Variants in CSMD1 observed in about 807,000 individuals in gnomAD.
CSMD1 encodes the protein CUB and sushi domain-containing protein 1.
A neutral mutation model predicts 417.5 loss-of-function variants in CSMD1; 213 were observed. That is an observed-to-expected ratio of 0.51 (90% CI 0.46 to 0.57). The LOEUF is 0.57. Among genes scored for constraint, CSMD1 ranks in the 20% least tolerant of loss-of-function variants. The pLI is 0.00. For missense variants in CSMD1, 6,923 were observed against 4,529.7 expected (o/e 1.53, Z -15.17); for synonymous variants, 2,862 against 1,736.8 (o/e 1.65, Z -16.11).
chr8:4,806,167 T>C (rs1798574697), intron 1 of CSMD1, among the ~76,000 whole-genome samples: 1 of 152,154 alleles, frequency 6.6e-6, no homozygotes, highest in Non-Finnish European at 1.5e-5. Context: ...CTCAATTGCA[T>C]GTGAAGCACC....
chr8:3,786,471 A>C (rs1235518891), intron 5 of CSMD1, among the ~76,000 whole-genome samples: 1 of 152,152 alleles, frequency 6.6e-6, no homozygotes, highest in Non-Finnish European at 1.5e-5. Flanking sequence ...GGGAAGCAGG[A>C]GGAATGGTGA....
intron 3 of CSMD1, among the ~76,000 whole-genome samples, chr8:4,086,640 C>A (rs540995752): frequency 6.6e-6 from 1 of 152,292 alleles, no homozygotes; most frequent in East Asian, 1.9e-4. Context: ...TCTTAATGCA[C>A]CAAGCGATTT....
At chr8:3,404,744 C>A (rs1249740305) in intron 15 of CSMD1, among the ~76,000 whole-genome samples, 1 of 151,704 alleles carries the variant, frequency 6.6e-6, no homozygotes, top group Non-Finnish European at 1.5e-5. Flanking sequence ...AAGTTATTAT[C>A]ATGAGATATG....
chr8:4,843,603 G>T (rs975520691), intron 1 of CSMD1, among the ~76,000 whole-genome samples: 8 of 152,160 alleles, frequency 5.3e-5, no homozygotes, highest in African/African-American at 1.7e-4. Context: ...CATTGTCCAA[G>T]CCAGGAGTTC....
chr8:3,581,596 T>C (rs1038885252), intron 9 of CSMD1, among the ~76,000 whole-genome samples: 4 of 152,108 alleles, frequency 2.6e-5, no homozygotes, highest in African/African-American at 9.7e-5. Flanking sequence ...TTCATGAAAA[T>C]AGGAACCTTG....
intron 5 of CSMD1, among the ~76,000 whole-genome samples, chr8:3,997,074 T>C (rs772713332): frequency 2.6e-5 from 4 of 152,232 alleles, no homozygotes; most frequent in Non-Finnish European, 5.9e-5. Context: ...TACCCATTCT[T>C]GTTTAGTCAT....
intron 3 of CSMD1, among the ~76,000 whole-genome samples, chr8:4,338,622 T>A (rs994979584): frequency 6.6e-6 from 1 of 152,100 alleles, no homozygotes; most frequent in Non-Finnish European, 1.5e-5. Flanking sequence ...ATCTTTAAAT[T>A]AGGTCCATAA....
intron 5 of CSMD1, among the ~76,000 whole-genome samples, chr8:3,843,349 C>G (rs921635346): frequency 2.6e-5 from 4 of 152,074 alleles, no homozygotes; most frequent in African/African-American, 9.7e-5. Context: ...ACTTTATTTA[C>G]TGAATATTTA....
At chr8:4,236,048 T>TTG (rs1802035133) in intron 3 of CSMD1, among the ~76,000 whole-genome samples, 5 of 40,650 alleles carry the variant, frequency 1.2e-4, no homozygotes, top group African/African-American at 2.9e-4. Context: ...TGTTTTTTTT[T>TTG]TTTTTTTTTT....
At chr8:3,537,128 C>G (rs936899913) in intron 10 of CSMD1, among the ~76,000 whole-genome samples, 2 of 152,100 alleles carry the variant, frequency 1.3e-5, no homozygotes, top group African/African-American at 4.8e-5. Context: ...CTCAGCCTCC[C>G]AAGTAGCTGG....
intron 4 of CSMD1, among the ~76,000 whole-genome samples, chr8:3,999,537 T>A (rs1456862673): frequency 2.0e-5 from 3 of 152,104 alleles, no homozygotes; most frequent in Admixed American, 2.0e-4. Context: ...GTGATATAGG[T>A]CCCTTCAAAT....
chr8:3,990,679 T>C (rs548189240), intron 5 of CSMD1, among the ~76,000 whole-genome samples: 13 of 152,348 alleles, frequency 8.5e-5, no homozygotes, highest in African/African-American at 2.6e-4. Context: ...ATTTCTAGAA[T>C]TTGTGAAGAA....
intron 20 of CSMD1, among the ~76,000 whole-genome samples, chr8:3,365,795 A>C (rs1046004329): frequency 6.6e-6 from 1 of 152,186 alleles, no homozygotes; most frequent in African/African-American, 2.4e-5. Context: ...CCCTTGTATT[A>C]TTGAACTACA....
chr8:3,709,816 TGA>T lies in CSMD1; in HGVS notation c.932-1327_932-1326del, dbSNP rs1451678821. 1.3e-4 allele frequency among the ~76,000 whole-genome samples: 19 copies of T among 150,810 alleles called. No individual in the cohort carries two copies. In the East Asian group the frequency reaches 2.4e-3, roughly 19 times the overall value. ...CGGTCTTGTCAGCTTCATAATCATG[TGA>T]GTCAGTTCCTTATAGTAAATCTGTG... On this transcript the variant is annotated intron_variant, in intron 6 of 69. Coordinates refer to ENST00000635120, the MANE Select transcript of CSMD1 (RefSeq NM_033225.6).
intron 1 of CSMD1, among the ~76,000 whole-genome samples, chr8:4,981,715 T>G (rs924063115): frequency 5.3e-4 from 81 of 152,312 alleles, no homozygotes; most frequent in African/African-American, 1.9e-3. Flanking sequence ...CACCCCCACC[T>G]GCTGATGTCC....
chr8:3,906,856 A>T (rs1411980725), intron 5 of CSMD1, among the ~76,000 whole-genome samples: 1 of 152,134 alleles, frequency 6.6e-6, no homozygotes, highest in Non-Finnish European at 1.5e-5. Context: ...CATTTTGTAC[A>T]TAAAGTAAAA....
At chr8:3,796,436 ATC>A (rs1800149420) in intron 5 of CSMD1, among the ~76,000 whole-genome samples, 1 of 119,566 alleles carries the variant, frequency 8.4e-6, no homozygotes, top group Admixed American at 9.0e-5. Context: ...AGATATATAT[ATC>A]TATCGTGTAT....
At chr8:4,125,502 G>A (rs1802710947) in intron 3 of CSMD1, among the ~76,000 whole-genome samples, 1 of 152,162 alleles carries the variant, frequency 6.6e-6, no homozygotes, top group South Asian at 2.1e-4. Flanking sequence ...CTGGGTACAC[G>A]TCGGCCGGAC....
chr8:4,772,215 G>A (rs939172975), intron 1 of CSMD1, among the ~76,000 whole-genome samples: 1 of 152,126 alleles, frequency 6.6e-6, no homozygotes, highest in African/African-American at 2.4e-5. Context: ...TCTGCTTCCA[G>A]CAGCAGCCTG....
Sources: gnomAD v4.1 joint callset for allele counts (sites outside exome capture counted in the v4.1 genomes callset) on GRCh38, gnomAD v4.1.1 for gene constraint, MANE v1.5 for transcripts, NCBI Gene and HGNC (gene_info 2026-07-23, HGNC 2026-07-21) for gene names.